The following ANK3 variants were observed in gnomAD, a reference collection of about 807,000 sequenced individuals.
ANK3 encodes ankyrin 3.
ANK3 carries 57 observed loss-of-function variants against 370.9 expected under a neutral mutation model. That is an observed-to-expected ratio of 0.15 (90% CI 0.12 to 0.19). The LOEUF is 0.19. Ranked by LOEUF, ANK3 falls within the 10% of genes least tolerant of loss-of-function variation. The pLI is 1.00. For synonymous variants in ANK3, 1,929 were observed against 1,946.3 expected, an observed-to-expected ratio of 0.99 and a Z score of 0.23; for missense variants, 4,439 against 5,302.1, an observed-to-expected ratio of 0.84 and a Z score of 5.06.
intron 16 of ANK3, among the ~76,000 whole-genome samples, chr10:60,190,675 A>T (rs923198453): frequency 1.3e-5 from 2 of 152,308 alleles, no homozygotes; most frequent in East Asian, 3.9e-4. Flanking sequence ...AAAGCCAAAG[A>T]TTCACTGCAA....
intron 1 of ANK3, among the ~76,000 whole-genome samples, chr10:60,648,872 GCTC>G (rs1342460035): frequency 6.7e-6 from 1 of 149,066 alleles, no homozygotes; most frequent in Non-Finnish European, 1.5e-5. Context: ...TTCTGCTCCT[GCTC>G]CTGCTCCTGC....
intron 2 of ANK3, among the ~76,000 whole-genome samples, chr10:60,419,717 A>G (rs553977064): frequency 6.6e-6 from 1 of 152,146 alleles, no homozygotes; most frequent in East Asian, 1.9e-4. Context: ...TAGTCCAGGG[A>G]CCTACCTTTT....
chr10:60,161,620 G>A (rs1381417268), intron 23 of ANK3, among the ~76,000 whole-genome samples: 1 of 152,092 alleles, frequency 6.6e-6, no homozygotes, highest in Non-Finnish European at 1.5e-5. Flanking sequence ...ATTATCTTAA[G>A]TGAGGTAAGC....
intron 13 of ANK3, 120 bp from the exon 14 acceptor site, chr10:60,198,657 G>T (rs2096623620): frequency 2.3e-6 from 2 of 854,244 alleles, no homozygotes; most frequent in Non-Finnish European, 3.8e-6. Flanking sequence ...TTGAGTCAAT[G>T]CTAAAAAAAC....
At chr10:60,357,002 C>T (rs1004220820) in intron 1 of ANK3, among the ~76,000 whole-genome samples, 4 of 152,228 alleles carry the variant, frequency 2.6e-5, no homozygotes, top group Admixed American at 2.6e-4. Context: ...AGCCACCGTG[C>T]CTGGCCCACC....
chr10:60,355,371 A>G (rs1007472173), intron 1 of ANK3, among the ~76,000 whole-genome samples: 1 of 151,870 alleles, frequency 6.6e-6, no homozygotes, highest in Non-Finnish European at 1.5e-5. Flanking sequence ...TTTTTTTTTT[A>G]AACCTAAGTT....
At chr10:60,680,212 G>A (rs1415999619) in intron 1 of ANK3, among the ~76,000 whole-genome samples, 2 of 151,800 alleles carry the variant, frequency 1.3e-5, no homozygotes, top group African/African-American at 4.8e-5. Flanking sequence ...AACTTGCCTT[G>A]GTCTCCCTGC....
chr10:60,105,099 T>A (rs1421006616), intron 28 of ANK3, among the ~76,000 whole-genome samples: 1 of 152,204 alleles, frequency 6.6e-6, no homozygotes, highest in East Asian at 1.9e-4. Context: ...ATAAAGCTGT[T>A]GTTTAAATAA....
At chr10:60,693,840 A>G (rs182808883) in intron 1 of ANK3, among the ~76,000 whole-genome samples, 8,679 of 152,094 alleles carry the variant, frequency 0.057, 371 homozygotes, top group African/African-American at 0.1. Flanking sequence ...AATGCAGAGC[A>G]CCTCTCCTCC....
At chr10:60,395,629 TCTCTCTC>T (rs2063219962) in intron 2 of ANK3, among the ~76,000 whole-genome samples, 1 of 128,424 alleles carries the variant, frequency 7.8e-6, no homozygotes, top group South Asian at 2.4e-4. Flanking sequence ...TCTCTCTCTC[TCTCTCTC>T]TCTCTCTCTC....
chr10:60,384,353 A>G (rs1223999197), intron 1 of ANK3, among the ~76,000 whole-genome samples: 3 of 152,256 alleles, frequency 2.0e-5, no homozygotes, highest in African/African-American at 7.2e-5. Context: ...TAAGAAAAAC[A>G]GACACTACAA....
At position 60,166,842 on chromosome 10, in the gene ANK3, C is replaced by T; in HGVS notation, c.2533G>A (p.Asp845Asn). 6.2e-7 allele frequency: 1 copy of T among 1,613,946 alleles called. No homozygotes were observed. Among genetic ancestry groups the T allele is most frequent in the Non-Finnish European group, 8.5e-7 (1 of 1,179,916 alleles). Residue 845 changes from aspartate to asparagine, a missense_variant, in exon 22 of 44, where the codon GAT becomes AAT. Asp to Asn is a conservative substitution (Grantham distance 23). This residue lies in a region of ANK3 where 702 missense variants were observed against 941.5 expected (regional missense o/e 0.75). Coordinates refer to ENST00000280772, the MANE Select transcript of ANK3 (RefSeq NM_020987.5). ...NVPETMNEVL[D>N]MSDDEVRKAN... The stretch of plus-strand genomic sequence containing the variant: ...TTCATACCTTCATCATCAGACATAT[C>T]AAGAACTTCATTCATCGTTTCTGGA...
At chr10:60,437,091 G>T (rs2064177661) in intron 2 of ANK3, among the ~76,000 whole-genome samples, 1 of 152,176 alleles carries the variant, frequency 6.6e-6, no homozygotes, top group East Asian at 1.9e-4. Context: ...AACTACCACT[G>T]ATTCCAGAGT....
chr10:60,297,991 C>T (rs1009235322), intron 1 of ANK3, among the ~76,000 whole-genome samples: 1 of 152,002 alleles, frequency 6.6e-6, no homozygotes, highest in Non-Finnish European at 1.5e-5. Flanking sequence ...ATTACTGGAT[C>T]AATCATTGAA....
chr10:60,394,363 T>A (rs945906266), upstream of ANK3, among the ~76,000 whole-genome samples: 4 of 152,084 alleles, frequency 2.6e-5, no homozygotes, highest in Admixed American at 1.3e-4. Flanking sequence ...TGGATAGCAT[T>A]GAGGGACTGG....
At chr10:60,423,264 A>T (rs1037445961) in intron 2 of ANK3, among the ~76,000 whole-genome samples, 1 of 152,072 alleles carries the variant, frequency 6.6e-6, no homozygotes, top group Admixed American at 6.6e-5. Flanking sequence ...CACATTAGGT[A>T]TCTGCACATC....
At position 60,312,930 on chromosome 10, in the gene ANK3, C is replaced by T. The variant is rs1354264461; in HGVS notation, c.115-33291G>A. On this transcript the variant is annotated intron_variant, in intron 1 of 43. Transcript: ENST00000280772. The stretch of plus-strand genomic sequence containing the variant: ...TAGCCTTGTCTTGGTAAACAGTGGA[C>T]TTTGCAGTTCCATGATTGAGAGCCA... Among the ~76,000 whole-genome samples the T allele has an allele frequency of 2.0e-5, 3 of 152,162 alleles. No homozygotes were observed. The South Asian group carries it at 6.2e-4, about 32-fold the overall frequency.
At chr10:60,164,362 G>A (rs1253210822) in intron 23 of ANK3, among the ~76,000 whole-genome samples, 2 of 151,884 alleles carry the variant, frequency 1.3e-5, no homozygotes, top group Admixed American at 6.6e-5. Flanking sequence ...CTGCTTTGAC[G>A]AGACTAAAAA....
intron 42 of ANK3, among the ~76,000 whole-genome samples, chr10:60,047,496 G>A (rs527666168): frequency 6.6e-6 from 1 of 152,230 alleles, no homozygotes; most frequent in South Asian, 2.1e-4. Flanking sequence ...TGAATAGTAC[G>A]AAACCTACAT....
Sources: gnomAD v4.1 joint callset for allele counts (sites outside exome capture counted in the v4.1 genomes callset) on GRCh38, gnomAD v4.1.1 for gene constraint, gnomAD v4.1.1 regional missense constraint, MANE v1.5 for transcripts, NCBI Gene and HGNC (gene_info 2026-07-23, HGNC 2026-07-21) for gene names.